Variants in AKT3 observed in about 807,000 individuals in gnomAD.
AKT3 encodes AKT serine/threonine kinase 3, also known as RAC-gamma serine/threonine-protein kinase.
AKT3 carries 15 observed loss-of-function variants against 65.3 expected under a neutral mutation model. That is an observed-to-expected ratio of 0.23 (90% CI 0.15 to 0.35). AKT3 has a LOEUF of 0.35. Among genes scored for constraint, AKT3 ranks in the 10% least tolerant of loss-of-function variants. The pLI is 1.00. For synonymous variants in AKT3, 206 were observed against 183.8 expected, an observed-to-expected ratio of 1.12 and a Z score of -0.98; for missense variants, 243 against 576.5, an observed-to-expected ratio of 0.42 and a Z score of 5.92.
chr1:243,794,092 G>A (rs1027081949), intron 2 of AKT3, among the ~76,000 whole-genome samples: 11 of 152,324 alleles, frequency 7.2e-5, no homozygotes, highest in African/African-American at 2.2e-4. Context: ...GCAGTAGCAC[G>A]ATCATGGCTC....
chr1:243,637,763 A>C, intron 5 of AKT3, 21 bp from the exon 6 acceptor site: 1 of 1,468,656 alleles, frequency 6.8e-7, no homozygotes, highest in South Asian at 1.2e-5. Context: ...CAAATTAAAA[A>C]ATATAATATG....
At chr1:243,678,932 A>G (rs759000710) in intron 3 of AKT3, among the ~76,000 whole-genome samples, 1 of 152,054 alleles carries the variant, frequency 6.6e-6, no homozygotes, top group Admixed American at 6.6e-5. Flanking sequence ...AAATGTGCCT[A>G]TCTCTCCTGC....
At chr1:243,737,593 G>C (rs567552606) in intron 2 of AKT3, among the ~76,000 whole-genome samples, 11 of 152,238 alleles carry the variant, frequency 7.2e-5, no homozygotes, top group African/African-American at 2.6e-4. Flanking sequence ...ACAAAAGAAA[G>C]TGAAAAGGAG....
intron 8 of AKT3, among the ~76,000 whole-genome samples, chr1:243,599,510 T>TA (rs1248941199): frequency 2.3e-4 from 35 of 152,120 alleles, no homozygotes; most frequent in Admixed American, 2.2e-3. Flanking sequence ...CGTATGCTGT[T>TA]ATAAGGTTCT....
At chr1:243,723,379 G>T (rs1023039079) in intron 2 of AKT3, among the ~76,000 whole-genome samples, 1 of 152,166 alleles carries the variant, frequency 6.6e-6, no homozygotes, top group Non-Finnish European at 1.5e-5. Flanking sequence ...GGTGAATATA[G>T]AATTTATCAC....
intron 6 of AKT3, among the ~76,000 whole-genome samples, chr1:243,628,872 A>G (rs1428897703): frequency 6.6e-6 from 1 of 152,250 alleles, no homozygotes; most frequent in Non-Finnish European, 1.5e-5. Flanking sequence ...CCTTGCAATG[A>G]TGGATGAACT....
At chr1:243,593,456 G>A (rs1354676781) in intron 8 of AKT3, among the ~76,000 whole-genome samples, 1 of 152,198 alleles carries the variant, frequency 6.6e-6, no homozygotes, top group Non-Finnish European at 1.5e-5. Context: ...GGAGGCCTAG[G>A]TGCGTGGATC....
intron 6 of AKT3, among the ~76,000 whole-genome samples, chr1:243,626,009 G>A (rs1679133171): frequency 6.6e-6 from 1 of 152,192 alleles, no homozygotes; most frequent in East Asian, 1.9e-4. Context: ...GACATAGCTG[G>A]TAAGCTGCAT....
chr1:243,784,464 T>C (rs1271620419), intron 2 of AKT3, among the ~76,000 whole-genome samples: 2 of 150,988 alleles, frequency 1.3e-5, no homozygotes, highest in African/African-American at 4.9e-5. Context: ...TAAAAACAAA[T>C]TTAGGTCCTA....
At chr1:243,722,308 G>C (rs1347404568) in intron 2 of AKT3, among the ~76,000 whole-genome samples, 3 of 152,040 alleles carry the variant, frequency 2.0e-5, no homozygotes, top group South Asian at 2.1e-4. Flanking sequence ...CAGAGAAAAA[G>C]ATATACATTA....
At chr1:243,579,766 C>G (rs1675199683) in intron 8 of AKT3, among the ~76,000 whole-genome samples, 1 of 151,926 alleles carries the variant, frequency 6.6e-6, no homozygotes, top group South Asian at 2.1e-4. Context: ...AATAATGAAG[C>G]AAGGAACAGG....
At chr1:243,649,781 T>C (rs1015349150) in intron 4 of AKT3, among the ~76,000 whole-genome samples, 1 of 152,190 alleles carries the variant, frequency 6.6e-6, no homozygotes, top group African/African-American at 2.4e-5. Flanking sequence ...CCATGGTGTA[T>C]ATGTACCACA....
intron 3 of AKT3, among the ~76,000 whole-genome samples, chr1:243,668,357 A>G (rs1408857982): frequency 6.6e-6 from 1 of 152,224 alleles, no homozygotes; most frequent in African/African-American, 2.4e-5. Context: ...TAATAAAATA[A>G]AAGAGAAGAT....
intron 2 of AKT3, among the ~76,000 whole-genome samples, chr1:243,741,582 A>T (rs1688156602): frequency 6.6e-6 from 1 of 152,214 alleles, no homozygotes; most frequent in Non-Finnish European, 1.5e-5. Context: ...TAGGTCAATG[A>T]GAGTGTTGCA....
intron 8 of AKT3, among the ~76,000 whole-genome samples, chr1:243,589,525 T>G (rs1320549856): frequency 6.6e-6 from 1 of 151,928 alleles, no homozygotes; most frequent in Non-Finnish European, 1.5e-5. Context: ...ATAAAAAAGA[T>G]GAGATAGCAA....
At chr1:243,780,241 TACTAGG>T (rs1207390248) in intron 2 of AKT3, among the ~76,000 whole-genome samples, 1 of 152,078 alleles carries the variant, frequency 6.6e-6, no homozygotes, top group African/African-American at 2.4e-5. Context: ...AAATTAACAT[TACTAGG>T]ACTAGGACAA....
intron 11 of AKT3, among the ~76,000 whole-genome samples, chr1:243,552,450 G>A (rs1361498700): frequency 2.0e-5 from 3 of 152,006 alleles, no homozygotes; most frequent in Non-Finnish European, 4.4e-5. Flanking sequence ...ACAAGATCAA[G>A]TAACAGAGCA....
intron 8 of AKT3, among the ~76,000 whole-genome samples, chr1:243,606,469 T>C (rs1409000560): frequency 6.6e-6 from 1 of 152,138 alleles, no homozygotes; most frequent in Non-Finnish European, 1.5e-5. Context: ...ATGGTGGCAT[T>C]TTGCCCCTGC....
intron 2 of AKT3, among the ~76,000 whole-genome samples, chr1:243,793,848 A>G (rs10733129): frequency 0.91 from 137,160 of 151,486 alleles, 62,316 homozygotes; most frequent in African/African-American, 0.98. Flanking sequence ...TCGACTGAGT[A>G]GCTCATCTAC....
Sources: allele counts gnomAD v4.1 joint callset (sites outside exome capture counted in the v4.1 genomes callset), GRCh38; gene constraint gnomAD v4.1.1; transcripts MANE v1.5; gene names NCBI Gene and HGNC (gene_info 2026-07-23, HGNC 2026-07-21).